GRIK4: variants seen among roughly 807,000 people sequenced by gnomAD.
The protein encoded by GRIK4 is glutamate receptor ionotropic, kainate 4.
A neutral mutation model predicts 104.9 loss-of-function variants in GRIK4; 40 were observed. The observed-to-expected ratio is 0.38, with a 90% confidence interval of 0.30 to 0.50. The LOEUF is 0.50. Among genes scored for constraint, GRIK4 ranks in the 20% least tolerant of loss-of-function variants. The pLI is 0.93. For synonymous variants in GRIK4, 485 were observed against 524.9 expected (o/e 0.92, Z 1.04); for missense variants, 1,047 against 1,308.1 (o/e 0.80, Z 3.08).
At chr11:120,810,447 G>A (rs376992289) in intron 4 of GRIK4, among the ~76,000 whole-genome samples, 1 of 152,192 alleles carries the variant, frequency 6.6e-6, no homozygotes, top group Non-Finnish European at 1.5e-5. Context: ...ACAGTGTGCT[G>A]TGAATATAGG....
At chr11:120,691,651 G>A (rs1490878869) in intron 3 of GRIK4, among the ~76,000 whole-genome samples, 2 of 152,178 alleles carry the variant, frequency 1.3e-5, no homozygotes, top group Non-Finnish European at 2.9e-5. Context: ...ATTTAGGTGA[G>A]GGAATGTTTT....
chr11:120,899,692 T>C (rs1308985954), intron 12 of GRIK4, among the ~76,000 whole-genome samples: 1 of 152,142 alleles, frequency 6.6e-6, no homozygotes, highest in Non-Finnish European at 1.5e-5. Context: ...TTTAAAAGAT[T>C]TGTCAATTAA....
rs764569730 is a variant in GRIK4 at position 120,644,057 on chromosome 11, GAGGA to G, written c.-158-9627_-158-9624del. ...TGTGTGTGTGTGTGAGAGAGAGAGA[GAGGA>G]GAGAGAGAGAGAGAGAGAGAAAGTG... On this transcript the variant is annotated intron_variant, in intron 1 of 20. Transcript: ENST00000527524. Among the ~76,000 whole-genome samples the G allele has an allele frequency of 1.1e-4, 11 of 99,334 alleles. No homozygotes were observed. In the East Asian group the frequency reaches 2.9e-3, roughly 26 times the overall value. The allele number at this position is 99,334 out of a possible 152,430, so 65.2% of individuals were successfully genotyped here.
chr11:120,723,252 A>G (rs1407866825), intron 3 of GRIK4, among the ~76,000 whole-genome samples: 4 of 152,216 alleles, frequency 2.6e-5, no homozygotes, highest in Non-Finnish European at 5.9e-5. Context: ...TTACGTTAAT[A>G]TAAGTGTGTG....
At chr11:120,880,312 T>C (rs540634714) in intron 11 of GRIK4, among the ~76,000 whole-genome samples, 3 of 152,346 alleles carry the variant, frequency 2.0e-5, no homozygotes, top group Admixed American at 6.5e-5. Context: ...ACCTACATGA[T>C]GTGCTGTGCT....
At chr11:120,909,878 G>A (rs374192093) in intron 13 of GRIK4, among the ~76,000 whole-genome samples, 13 of 152,162 alleles carry the variant, frequency 8.5e-5, no homozygotes, top group African/African-American at 3.1e-4. Context: ...TGGGTGCTGT[G>A]GTTTGAATGT....
Position 120,953,107 on chromosome 11 carries a change from A to C in GRIK4, c.1700+143A>C. The stretch of plus-strand genomic sequence containing the variant: ...GCCAAACTAGAAGGACAGGAGAAGG[A>C]CTGGGGGCCTGAAATGCTCTCTGCC... On this transcript the variant is annotated intron_variant, in intron 15 of 20. Coordinates refer to ENST00000527524, the MANE Select transcript of GRIK4 (RefSeq NM_014619.5). This position sits in a 1 kb window ranked among gnomAD's most constrained non-coding sequence, Gnocchi z 4.9. The C allele has an allele frequency of 1.6e-6, 1 of 627,328 alleles. No individual in the cohort carries two copies. Among genetic ancestry groups the C allele is most frequent in the Non-Finnish European group, 2.8e-6 (1 of 354,372 alleles). The allele number at this position is 627,328 out of a possible 1,614,324, so 38.9% of individuals were successfully genotyped here.
intron 11 of GRIK4, among the ~76,000 whole-genome samples, chr11:120,877,164 A>G (rs1372574468): frequency 6.6e-6 from 1 of 152,252 alleles, no homozygotes; most frequent in African/African-American, 2.4e-5. Context: ...GTAAGCAATA[A>G]CAGCTACCAT....
intron 1 of GRIK4, among the ~76,000 whole-genome samples, chr11:120,574,423 C>G (rs1484748330): frequency 6.6e-6 from 1 of 152,204 alleles, no homozygotes. Flanking sequence ...ATTCTCCCAA[C>G]AGTCCTATGA....
At chr11:120,817,233 C>T (rs143246178) in intron 5 of GRIK4, among the ~76,000 whole-genome samples, 1 of 152,160 alleles carries the variant, frequency 6.6e-6, no homozygotes, top group Non-Finnish European at 1.5e-5. Context: ...GGTTCAGTGG[C>T]TATTTAATCT....
chr11:120,870,408 G>A lies in GRIK4; in HGVS notation c.907-3658G>A, dbSNP rs566456439. 4.5e-4 allele frequency: 69 copies of A among 152,342 alleles called. 1 individual carries two copies. The highest frequency in any genetic ancestry group is 2.3e-3 in the Admixed American group (35 of 15,300). 9.4% of individuals were successfully genotyped at this position (152,342 alleles called of 1,614,324 possible). On this transcript the variant is annotated intron_variant, in intron 9 of 20. Transcript: ENST00000527524. ...AAACTGGGTGATGGCCCCAACATAG[G>A]GCATTAGAGAAGCCTGCCCACCATC...
chr11:120,794,279 A>G (rs1952465938), intron 3 of GRIK4, among the ~76,000 whole-genome samples: 1 of 150,976 alleles, frequency 6.6e-6, no homozygotes, highest in Non-Finnish European at 1.5e-5. Context: ...GTTAGGGCTG[A>G]GAGCCAGGCG....
intron 1 of GRIK4, among the ~76,000 whole-genome samples, chr11:120,568,651 G>C (rs887297558): frequency 6.6e-6 from 1 of 152,146 alleles, no homozygotes; most frequent in African/African-American, 2.4e-5. Flanking sequence ...GCCCCCCAAA[G>C]TGCTGGGATT....
At chr11:120,772,334 T>C (rs1255182529) in intron 3 of GRIK4, among the ~76,000 whole-genome samples, 1 of 152,168 alleles carries the variant, frequency 6.6e-6, no homozygotes, top group Non-Finnish European at 1.5e-5. Flanking sequence ...ACACAGCCAG[T>C]ATATTAGATG....
rs76534852 is a variant in GRIK4 at position 120,713,709 on chromosome 11, G to A, written c.82+53309G>A. On this transcript the variant is annotated intron_variant, in intron 3 of 20. Transcript: ENST00000527524. ...CTCGGTGAGGTAGAGAGGTGGCTAC[G>A]AGGGACTTGATGAGTCGCAGTTGCT... Among the ~76,000 whole-genome samples the A allele has an allele frequency of 2.7e-4, 41 of 152,290 alleles. 2 individuals are homozygous for A. The East Asian group carries it at 5.4e-3, about 20-fold the overall frequency.
Position 120,545,534 on chromosome 11 carries a change from CCATT to C in GRIK4, c.-159+33649_-159+33652del, listed in dbSNP as rs1948077889. 2.0e-5 allele frequency among the ~76,000 whole-genome samples: 3 copies of C among 152,156 alleles called. No homozygotes were observed. The South Asian group carries it at 6.2e-4, about 32-fold the overall frequency. On this transcript the variant is annotated intron_variant, in intron 1 of 20. Transcript: ENST00000527524. The stretch of plus-strand genomic sequence containing the variant: ...TGTTTTGACGTACGATTATTATTAA[CCATT>C]CTTTTGTGTATGAGGAAAACAGACT...
At chr11:120,880,592 G>GCCTTTCAT (rs1217496954) in intron 11 of GRIK4, among the ~76,000 whole-genome samples, 1 of 152,202 alleles carries the variant, frequency 6.6e-6, no homozygotes, top group African/African-American at 2.4e-5. Flanking sequence ...GGACCTTCAA[G>GCCTTTCAT]CCTTTCATGG....
At chr11:120,947,681 T>C (rs572770807) in intron 14 of GRIK4, among the ~76,000 whole-genome samples, 1 of 152,216 alleles carries the variant, frequency 6.6e-6, no homozygotes, top group South Asian at 2.1e-4. Context: ...ATAATAATAT[T>C]GGTTATTTAT....
chr11:120,984,768 T>TA (rs981875322), intron 20 of GRIK4, among the ~76,000 whole-genome samples: 11 of 143,454 alleles, frequency 7.7e-5, no homozygotes, highest in Non-Finnish European at 1.7e-4. Context: ...GACTCTTGTC[T>TA]AAAAAAAACC....
Sources: allele counts gnomAD v4.1 joint callset (sites outside exome capture counted in the v4.1 genomes callset), GRCh38; gene constraint gnomAD v4.1.1; non-coding constraint Gnocchi (gnomAD v3.1); transcripts MANE v1.5; gene names NCBI Gene and HGNC (gene_info 2026-07-23, HGNC 2026-07-21).